RHBDD1: variants seen among roughly 807,000 people sequenced by gnomAD.
RHBDD1 encodes the protein rhomboid-related protein 4.
RHBDD1 carries 38 observed loss-of-function variants against 36.3 expected under a neutral mutation model. That is an observed-to-expected ratio of 1.05 (90% CI 0.81 to 1.37). The LOEUF (loss-of-function observed/expected upper bound fraction) is 1.37. Among genes scored for constraint, RHBDD1 ranks in the 40% most tolerant of loss-of-function variants. The pLI is 0.00. For missense variants in RHBDD1, 393 were observed against 377.6 expected, an observed-to-expected ratio of 1.04 and a Z score of -0.34; for synonymous variants, 151 against 136.5, an observed-to-expected ratio of 1.11 and a Z score of -0.74.
intron 5 of RHBDD1, among the ~76,000 whole-genome samples, chr2:226,872,249 GGAAA>G (rs1944851845): frequency 6.6e-6 from 1 of 151,406 alleles, no homozygotes; most frequent in African/African-American, 2.4e-5. Flanking sequence ...AATGAGAAAG[GGAAA>G]GACAGTTCAT....
intron 8 of RHBDD1, among the ~76,000 whole-genome samples, chr2:226,946,383 T>A (rs1575197985): frequency 1.3e-5 from 2 of 152,172 alleles, no homozygotes; most frequent in East Asian, 3.8e-4. Flanking sequence ...CTGAGGCCTC[T>A]GTTCTGTTCC....
chr2:226,924,786 G>A (rs1243031460), intron 8 of RHBDD1, among the ~76,000 whole-genome samples: 104 of 152,206 alleles, frequency 6.8e-4, no homozygotes, highest in Non-Finnish European at 1.5e-5. Flanking sequence ...CTTTCTGGCA[G>A]TGCTGAGTTC....
At chr2:226,968,942 GT>G (rs11362668) in intron 8 of RHBDD1, 70,112 of 154,944 alleles carry the variant, frequency 0.45, 16,050 homozygotes, top group South Asian at 0.56. Flanking sequence ...TTTGGAAACA[GT>G]TAAACATTGT....
At chr2:226,931,271 T>G (rs1162176617) in intron 8 of RHBDD1, among the ~76,000 whole-genome samples, 2 of 151,880 alleles carry the variant, frequency 1.3e-5, no homozygotes, top group Admixed American at 6.6e-5. Context: ...GTAAAGAAAA[T>G]GTGATATATA....
chr2:226,851,396 C>T lies in RHBDD1; in HGVS notation c.-91+11769C>T, dbSNP rs1942796817. Among the ~76,000 whole-genome samples, 2 of 151,868 alleles carry T rather than the reference C, an allele frequency of 1.3e-5. 1 individual carries two copies. Among genetic ancestry groups the T allele is most frequent in the South Asian group, 4.2e-4 (2 of 4,802 alleles). On this transcript the variant is annotated intron_variant, in intron 3 of 8. Coordinates refer to ENST00000392062, the MANE Select transcript of RHBDD1 (RefSeq NM_001167608.3). ...TGTGCAGCAGAGCAACTTGATGATCCAACTGAGCCTAAAGAAACCAGTTGT... is the reference window on the plus strand; with the variant it reads ...TGTGCAGCAGAGCAACTTGATGATCTAACTGAGCCTAAAGAAACCAGTTGT...
At chr2:226,962,620 A>G (rs1486878073) in intron 8 of RHBDD1, among the ~76,000 whole-genome samples, 4 of 152,210 alleles carry the variant, frequency 2.6e-5, no homozygotes, top group African/African-American at 9.6e-5. Flanking sequence ...TTGTGGCTGC[A>G]ATTTAATTTT....
the RHBDD1 span, among the ~76,000 whole-genome samples, chr2:226,822,642 A>C: frequency 2.6e-5 from 4 of 151,936 alleles, no homozygotes; most frequent in Non-Finnish European, 5.9e-5. Context: ...TCAAAAAAAA[A>C]AAAAAAAAAA....
intron 5 of RHBDD1, among the ~76,000 whole-genome samples, chr2:226,885,670 A>T (rs1165608262): frequency 6.6e-6 from 1 of 152,224 alleles, no homozygotes; most frequent in Non-Finnish European, 1.5e-5. Flanking sequence ...TTGTGGAATT[A>T]TTGGTATTAT....
At chr2:226,886,490 G>A (rs1038220784) in intron 5 of RHBDD1, among the ~76,000 whole-genome samples, 5 of 152,106 alleles carry the variant, frequency 3.3e-5, no homozygotes, top group African/African-American at 4.8e-5. Context: ...CTGAAAACGC[G>A]GCTGAGCAAC....
chr2:226,812,189 G>A, the RHBDD1 span, among the ~76,000 whole-genome samples: 2 of 152,226 alleles, frequency 1.3e-5, no homozygotes, highest in Non-Finnish European at 2.9e-5. Context: ...TACAGGCAAG[G>A]AGACAGGAAC....
intron 5 of RHBDD1, among the ~76,000 whole-genome samples, chr2:226,903,894 C>T (rs1947809540): frequency 6.6e-6 from 1 of 152,118 alleles, no homozygotes; most frequent in African/African-American, 2.4e-5. Context: ...AGAGAAGGAG[C>T]ATCTGAATGC....
At chr2:226,929,504 C>T (rs989592640) in intron 8 of RHBDD1, among the ~76,000 whole-genome samples, 2 of 151,892 alleles carry the variant, frequency 1.3e-5, no homozygotes, top group African/African-American at 2.4e-5. Context: ...TATACCTCAA[C>T]AAAATAAAAG....
At chr2:226,872,194 C>T (rs1169247800) in intron 5 of RHBDD1, among the ~76,000 whole-genome samples, 1 of 151,840 alleles carries the variant, frequency 6.6e-6, no homozygotes, top group African/African-American at 2.4e-5. Context: ...TATGGGTTCT[C>T]CTTAGGAAAA....
At chr2:226,936,460 G>A (rs1950335529) in intron 8 of RHBDD1, among the ~76,000 whole-genome samples, 1 of 152,066 alleles carries the variant, frequency 6.6e-6, no homozygotes, top group South Asian at 2.1e-4. Flanking sequence ...TTGGGAAACT[G>A]ACCTTACTAG....
Position 226,864,974 on chromosome 2 carries a change from A to T in RHBDD1, c.281A>T (p.Asn94Ile). ...GCATCCATGCTCTGGAAAGGAATAA[A>T]TCTAGAAAGAAGACTGGGAAGTAGA... ...NMASMLWKGI[N>I]LERRLGSRWF... Residue 94 changes from asparagine (N) to isoleucine (I), a missense_variant, in exon 4 of 9, where the codon AAT becomes ATT. Physicochemically the swap from Asn to Ile is moderately radical, Grantham distance 149. Coordinates refer to ENST00000392062, the MANE Select transcript of RHBDD1 (RefSeq NM_001167608.3). The T allele has an allele frequency of 6.2e-7, 1 of 1,614,236 alleles. No individual in the cohort carries two copies. The highest frequency in any genetic ancestry group is 8.5e-7 in the Non-Finnish European group (1 of 1,180,038).
rs369905444 is a variant in RHBDD1, at chr2:226,867,591, A to T, written c.566+273A>T. The T allele has an allele frequency of 5.4e-4, 532 of 985,202 alleles. 8 individuals are homozygous for T. Among genetic ancestry groups the T allele is most frequent in the Middle Eastern group, 1.0e-3 (2 of 1,936 alleles). The allele number at this position is 985,202 out of a possible 1,614,324, so 61.0% of individuals were successfully genotyped here. The stretch of plus-strand genomic sequence containing the variant: ...GAGAACCTGCTATACTGATCTGAGG[A>T]TCAATATTAACCAGCCAATCAGCTG... On this transcript the variant is annotated intron_variant, in intron 5 of 8. Transcript: ENST00000392062.
chr2:226,946,874 C>T (rs945394423), intron 8 of RHBDD1, among the ~76,000 whole-genome samples: 5 of 152,152 alleles, frequency 3.3e-5, no homozygotes, highest in Admixed American at 6.5e-5. Flanking sequence ...TTATTCATCA[C>T]GATCAAGTTG....
chr2:226,970,420 C>T (rs1304478716), intron 8 of RHBDD1, among the ~76,000 whole-genome samples: 7 of 152,076 alleles, frequency 4.6e-5, no homozygotes, highest in African/African-American at 1.7e-4. Flanking sequence ...ACCTTTGTCT[C>T]ATGATATGAG....
At chr2:226,903,724 C>T (rs915024230) in intron 5 of RHBDD1, among the ~76,000 whole-genome samples, 1 of 152,136 alleles carries the variant, frequency 6.6e-6, no homozygotes, top group African/African-American at 2.4e-5. Flanking sequence ...AAACCCACAG[C>T]CCTAAATGGG....
Sources: gnomAD v4.1 joint callset for allele counts (sites outside exome capture counted in the v4.1 genomes callset) on GRCh38, gnomAD v4.1.1 for gene constraint, MANE v1.5 for transcripts, NCBI Gene and HGNC (gene_info 2026-07-23, HGNC 2026-07-21) for gene names.